Variants in GADD45GIP1 observed in about 807,000 individuals in gnomAD.
GADD45GIP1 encodes the protein large ribosomal subunit protein mL64.
GADD45GIP1 carries 17 observed loss-of-function variants against 22.1 expected under a neutral mutation model. That is an observed-to-expected ratio of 0.77 (90% confidence interval 0.53 to 1.15). The LOEUF (loss-of-function observed/expected upper bound fraction) is 1.15. Among genes scored for constraint, GADD45GIP1 ranks in the 50% most tolerant of loss-of-function variants. The probability of loss-of-function intolerance (pLI) is 0.00; values close to 1 mark genes in which losing one functional copy is unlikely to be tolerated. For missense variants in GADD45GIP1, 294 were observed against 314.0 expected, an observed-to-expected ratio of 0.94 and a Z score of 0.48; for synonymous variants, 135 against 138.4, an observed-to-expected ratio of 0.98 and a Z score of 0.17.
In GADD45GIP1 at chr19:12,953,129, TTCA is replaced by T. The variant is rs1971862063; in HGVS notation, c.*1076_*1078del. 1 of 872,780 alleles carries T rather than the reference TTCA, an allele frequency of 1.1e-6. No homozygotes were observed. Among genetic ancestry groups the T allele is most frequent in the Non-Finnish European group, 1.7e-6 (1 of 587,788 alleles). The allele number at this position is 872,780 out of a possible 1,614,324, so 54.1% of individuals were successfully genotyped here. On this transcript the variant is annotated 3_prime_UTR_variant, in exon 2 of 2. Transcript: ENST00000316939. ...TTATAAAAGAAAAAATATATATATA[TTCA>T]TGTTTATTTAAGAAATGGAAAAAAA...
rs371116567 is a variant in GADD45GIP1, at chr19:12,953,150, GAAAAA to G, written c.*1053_*1057del. 7.6e-6 allele frequency: 6 copies of G among 792,068 alleles called. No homozygotes were observed. In the Admixed American group the frequency reaches 1.1e-4, roughly 14 times the overall value. The allele number at this position is 792,068 out of a possible 1,614,324, so 49.1% of individuals were successfully genotyped here. On this transcript the variant is annotated 3_prime_UTR_variant, in exon 2 of 2. Coordinates refer to ENST00000316939, the MANE Select transcript of GADD45GIP1 (RefSeq NM_052850.4). ...TATATTCATGTTTATTTAAGAAATG[GAAAAA>G]AAAATCAAAAATCTTAAAAAAACAA...
At position 12,956,970 on chromosome 19, in the gene GADD45GIP1, C is replaced by A; in HGVS notation, c.243G>T (p.Gln81His). 6.3e-7 allele frequency: 1 copy of A among 1,599,138 alleles called. No homozygotes were observed. The change falls in exon 1 of 2, where the codon CAG (glutamine) becomes CAT (histidine). Residue 81 changes from glutamine to histidine, a missense_variant. By Grantham distance (24) the Gln-to-His change is conservative (BLOSUM62 0). Transcript: ENST00000316939. ...GTTCTTCGGCCTCCAGCTCCCGCAG[C>A]TGCTCCGGCGACGGCCATAACGAAC... ...VPGSLWPSPE[Q>H]LRELEAEERE...
chr19:12,954,636 C>T lies in GADD45GIP1; in HGVS notation c.351-110G>A. On this transcript the variant is annotated intron_variant, in intron 1 of 1. Coordinates refer to ENST00000316939, the MANE Select transcript of GADD45GIP1 (RefSeq NM_052850.4). ...CCCACGAGCCTGCCTCCTCAACTCC[C>T]CCAGTAGATTAACTGTCAGGAAAAG... The T allele has an allele frequency of 6.4e-6, 5 of 779,752 alleles. No homozygotes were observed. The South Asian group carries it at 8.9e-5, about 14-fold the overall frequency. The allele number at this position is 779,752 out of a possible 1,614,324, so 48.3% of individuals were successfully genotyped here.
chr19:12,956,829 G>A lies in GADD45GIP1; in HGVS notation c.350+34C>T, dbSNP rs775231378. 4.4e-6 allele frequency: 7 copies of A among 1,576,590 alleles called. No homozygotes were observed. The Admixed American group carries it at 8.5e-5, about 19-fold the overall frequency. ...GGGCCCAGTTCGCCCACGGGGCACAGAGGGCAGCCCCGCGTCTGCCTGCAC... is the reference window on the plus strand; with the variant it reads ...GGGCCCAGTTCGCCCACGGGGCACAAAGGGCAGCCCCGCGTCTGCCTGCAC... On this transcript the variant is annotated intron_variant, in intron 1 of 1. Transcript: ENST00000316939.
intron 1 of GADD45GIP1, among the ~76,000 whole-genome samples, chr19:12,954,915 A>T (rs1208430129): frequency 7.9e-5 from 12 of 152,104 alleles, no homozygotes. Context: ...CAAGAAAGAC[A>T]TTTCCCACCA....
chr19:12,954,182 A>G lies in GADD45GIP1; in HGVS notation c.*26T>C. The G allele has an allele frequency of 6.3e-7, 1 of 1,594,564 alleles. No homozygotes were observed. The highest frequency in any genetic ancestry group is 8.6e-7 in the Non-Finnish European group (1 of 1,168,200). On this transcript the variant is annotated 3_prime_UTR_variant, in exon 2 of 2. Coordinates refer to ENST00000316939, the MANE Select transcript of GADD45GIP1 (RefSeq NM_052850.4). The stretch of plus-strand genomic sequence containing the variant: ...CTCTTCAGGGGTACTGCCAGGTAGC[A>G]GGCTTTATTGGGAAGGGACAAAGCC...
intron 1 of GADD45GIP1, among the ~76,000 whole-genome samples, chr19:12,955,321 GAATT>G (rs1207358243): frequency 2.0e-5 from 3 of 152,134 alleles, no homozygotes; most frequent in Non-Finnish European, 4.4e-5. Context: ...AAAAGTAAAA[GAATT>G]AAGCCCTATA....
rs200483443 is a variant in GADD45GIP1 at position 12,956,997 on chromosome 19, G to A, written c.216C>T (p.Pro72=). ...ARYGAASGVV[P]GSLWPSPEQL... is the part of the protein sequence containing the mutation. Reference sequence around the variant, plus strand: ...GCTCCGGCGACGGCCATAACGAACCGGGGACCACCCCGGAGGCGGCGCCGT... The same window carrying A: ...GCTCCGGCGACGGCCATAACGAACCAGGGACCACCCCGGAGGCGGCGCCGT... The change falls in exon 1 of 2, where the codon CCC becomes CCT. Residue 72 remains proline, a synonymous_variant. Transcript: ENST00000316939. 942 of 1,598,930 alleles carry A rather than the reference G, an allele frequency of 5.9e-4. 1 individual carries two copies. Among genetic ancestry groups the A allele is most frequent in the Middle Eastern group, 3.0e-3 (18 of 6,052 alleles).
Position 12,954,065 on chromosome 19 carries a change from T to C in GADD45GIP1, c.*143A>G. 4.0e-6 allele frequency: 3 copies of C among 753,554 alleles called. No individual in the cohort carries two copies. The highest frequency in any genetic ancestry group is 6.7e-6 in the Non-Finnish European group (3 of 447,034). The allele number at this position is 753,554 out of a possible 1,614,324, so 46.7% of individuals were successfully genotyped here. The stretch of plus-strand genomic sequence containing the variant: ...CAGGGCCTAGAGTCCCTGTCCCCTT[T>C]TGAGTACAGCCAAGTGGGGGATTCC... On this transcript the variant is annotated 3_prime_UTR_variant, in exon 2 of 2. Transcript: ENST00000316939.
rs376894201 is a variant in GADD45GIP1, at chr19:12,954,275, G to T, written c.602C>A (p.Ala201Glu). 1 of 1,614,172 alleles carries T rather than the reference G, an allele frequency of 6.2e-7. No individual in the cohort carries two copies. Among genetic ancestry groups the T allele is most frequent in the East Asian group, 2.2e-5 (1 of 44,886 alleles). Reference protein sequence around the residue: ...KEEKQKRKKEARAAALAAAVA... With the variant: ...KEEKQKRKKEERAAALAAAVA... ...AGCTGCAGCCAATGCAGCAGCTCGC[G>T]CCTCCTTCTTCCGTTTCTGTTTTTC... The change falls in exon 2 of 2, where the codon GCG becomes GAG. Residue 201 changes from alanine (A) to glutamate (E), a missense_variant. Physicochemically the swap from Ala to Glu is moderately radical, Grantham distance 107. Coordinates refer to ENST00000316939, the MANE Select transcript of GADD45GIP1 (RefSeq NM_052850.4).
rs1971888862 is a variant in GADD45GIP1 at position 12,954,004 on chromosome 19, C to G, written c.*204G>C. The G allele has an allele frequency of 1.0e-5, 6 of 573,244 alleles. No homozygotes were observed. Among genetic ancestry groups the G allele is most frequent in the Non-Finnish European group, 1.5e-5 (5 of 323,464 alleles). 35.5% of individuals were successfully genotyped at this position (573,244 alleles called of 1,614,324 possible). ...TCTCCATTATTTGCCCATTGTACACCCCCCTTTTCCTCCCACTGAAGCCCC... is the reference window on the plus strand; with the variant it reads ...TCTCCATTATTTGCCCATTGTACACGCCCCTTTTCCTCCCACTGAAGCCCC... On this transcript the variant is annotated 3_prime_UTR_variant, in exon 2 of 2. Coordinates refer to ENST00000316939, the MANE Select transcript of GADD45GIP1 (RefSeq NM_052850.4).
At position 12,954,243 on chromosome 19, in the gene GADD45GIP1, GAGCCACAGCTGC is replaced by G. The variant is rs1971893241; in HGVS notation, c.622_633del (p.Ala208_Ala211del). 2.5e-6 allele frequency: 4 copies of G among 1,613,962 alleles called. No individual in the cohort carries two copies. The South Asian group carries it at 4.4e-5, about 18-fold the overall frequency. On this transcript the variant is annotated inframe_deletion, in exon 2 of 2. Coordinates refer to ENST00000316939, the MANE Select transcript of GADD45GIP1 (RefSeq NM_052850.4). ...GGTGCCCCAGAGGCTGCTGGGTCTTGAGCCACAGCTGCAGCCAATGCAGCAGCTCGCGCCTCC... is the reference window on the plus strand; with the variant it reads ...GGTGCCCCAGAGGCTGCTGGGTCTTGAGCCAATGCAGCAGCTCGCGCCTCC...
Position 12,954,104 on chromosome 19 carries a change from A to C in GADD45GIP1, c.*104T>G. 1.0e-6 allele frequency: 1 copy of C among 965,342 alleles called. No individual in the cohort carries two copies. The highest frequency in any genetic ancestry group is 1.6e-6 in the Non-Finnish European group (1 of 629,484). 59.8% of individuals were successfully genotyped at this position (965,342 alleles called of 1,614,324 possible). A position where few individuals can be genotyped will look rare whatever the true frequency, so the allele number is the denominator to read the frequency against. ...GTGGGGGATTCCCCAGCTCTTAAGTATTGGGGGAGGAACCAGGGGACCCAG... is the reference window on the plus strand; with the variant it reads ...GTGGGGGATTCCCCAGCTCTTAAGTCTTGGGGGAGGAACCAGGGGACCCAG... On this transcript the variant is annotated 3_prime_UTR_variant, in exon 2 of 2. Coordinates refer to ENST00000316939, the MANE Select transcript of GADD45GIP1 (RefSeq NM_052850.4).
intron 1 of GADD45GIP1, among the ~76,000 whole-genome samples, chr19:12,956,139 T>G (rs966048122): frequency 1.3e-4 from 20 of 152,298 alleles, no homozygotes; most frequent in African/African-American, 4.6e-4. Context: ...GCCTGAGGCT[T>G]CCCAAACCAA....
In GADD45GIP1 at chr19:12,953,406, C is replaced by G. The variant is rs41558417; in HGVS notation, c.*802G>C. The stretch of plus-strand genomic sequence containing the variant: ...TCCGAAAAACCCCTGAGGACCCCCC[C>G]CCATCCTCTTCTAGGATGAGGGGAA... On this transcript the variant is annotated 3_prime_UTR_variant, in exon 2 of 2. Transcript: ENST00000316939. 5.4e-5 allele frequency: 9 copies of G among 166,338 alleles called. No individual in the cohort carries two copies. Among genetic ancestry groups the G allele is most frequent in the Non-Finnish European group, 7.7e-5 (6 of 77,936 alleles). 10.3% of individuals were successfully genotyped at this position (166,338 alleles called of 1,614,324 possible). A position where few individuals can be genotyped will look rare whatever the true frequency, so the allele number is the denominator to read the frequency against.
rs1411006042 is a variant in GADD45GIP1 at position 12,957,200 on chromosome 19, C to G, written c.13G>C (p.Val5Leu). The change falls in exon 1 of 2, where the codon GTG becomes CTG. Residue 5 changes from valine (V) to leucine (L), a missense_variant. Physicochemically the swap from Val to Leu is conservative, Grantham distance 32. Coordinates refer to ENST00000316939, the MANE Select transcript of GADD45GIP1 (RefSeq NM_052850.4). Reference protein sequence around the residue: MAASVRQARSLLGVA... With the variant: MAASLRQARSLLGVA... ...CCTAGTAGGCTGCGTGCCTGTCGCA[C>G]GGACGCCGCCATCTTGGCTGTGCGG... is the stretch of plus-strand genomic sequence containing the variant. 2 of 1,398,142 alleles carry G rather than the reference C, an allele frequency of 1.4e-6. No individual in the cohort carries two copies. Among genetic ancestry groups the G allele is most frequent in the Non-Finnish European group, 1.8e-6 (2 of 1,085,912 alleles). The allele number at this position is 1,398,142 out of a possible 1,614,324, so 86.6% of individuals were successfully genotyped here.
Position 12,954,535 on chromosome 19 carries a change from GA to G in GADD45GIP1, c.351-10del. On this transcript the variant is annotated splice_polypyrimidine_tract_variant and intron_variant, in intron 1 of 1. Transcript: ENST00000316939. ...CTGCGATGTGCTGCTCCCTGCAGGG[GA>G]GGGAGAGTGGGCTGTGACACTGGCA... is the stretch of plus-strand genomic sequence containing the variant. The G allele has an allele frequency of 6.2e-7, 1 of 1,600,864 alleles. No individual in the cohort carries two copies. Among genetic ancestry groups the G allele is most frequent in the Non-Finnish European group, 8.5e-7 (1 of 1,171,638 alleles).
At position 12,953,346 on chromosome 19, in the gene GADD45GIP1, G is replaced by A; in HGVS notation, c.*862C>T. On this transcript the variant is annotated 3_prime_UTR_variant, in exon 2 of 2. Transcript: ENST00000316939. ...TTGGCCTCTGTCCCAGCTCTCTGCAGCCAGACGGAAAGGCGGCTGCTTGCC... is the reference window on the plus strand; with the variant it reads ...TTGGCCTCTGTCCCAGCTCTCTGCAACCAGACGGAAAGGCGGCTGCTTGCC... 4.4e-6 allele frequency: 1 copy of A among 228,902 alleles called. No homozygotes were observed. The highest frequency in any genetic ancestry group is 2.3e-5 in the African/African-American group (1 of 44,330). 14.2% of individuals were successfully genotyped at this position (228,902 alleles called of 1,614,324 possible).
At position 12,953,682 on chromosome 19, in the gene GADD45GIP1, C is replaced by T. The variant is rs1971877882; in HGVS notation, c.*526G>A. On this transcript the variant is annotated 3_prime_UTR_variant, in exon 2 of 2. Transcript: ENST00000316939. ...GCCTGCTGGGGCTCCCCGCGCCCAC[C>T]TGTCTGGGTCTTGGGGGGCTGGCTG... 1.3e-5 allele frequency: 2 copies of T among 157,290 alleles called. No homozygotes were observed. The highest frequency in any genetic ancestry group is 1.3e-4 in the Admixed American group (2 of 15,852). 9.7% of individuals were successfully genotyped at this position (157,290 alleles called of 1,614,324 possible).
Sources: allele counts gnomAD v4.1 joint callset (sites outside exome capture counted in the v4.1 genomes callset), GRCh38; gene constraint gnomAD v4.1.1; transcripts MANE v1.5; gene names NCBI Gene and HGNC (gene_info 2026-07-23, HGNC 2026-07-21).